TEP1: variants seen among roughly 807,000 people sequenced by gnomAD.
TEP1 encodes the protein telomerase associated protein 1.
TEP1 carries 241 observed loss-of-function variants against 306.3 expected under a neutral mutation model. That is an observed-to-expected ratio of 0.79 (90% confidence interval 0.71 to 0.88). The LOEUF is 0.88. Among genes scored for constraint, TEP1 ranks in the 40% least tolerant of loss-of-function variants. TEP1 has a pLI of 0.00. For synonymous variants in TEP1, 1,289 were observed against 1,305.5 expected (o/e 0.99, Z 0.27); for missense variants, 3,051 against 3,276.1 (o/e 0.93, Z 1.68).
chr14:20,406,062 AG>A (rs1323416367), intron 3 of TEP1, among the ~76,000 whole-genome samples, 170 bp downstream of exon 3: 1 of 151,952 alleles, frequency 6.6e-6, no homozygotes, highest in African/African-American at 2.4e-5. Flanking sequence ...AAAGAAAAAA[AG>A]AAAAGGAAAA....
Position 20,404,736 on chromosome 14 carries a change from T to A in TEP1, c.907A>T (p.Asn303Tyr). 1 of 1,613,618 alleles carries A rather than the reference T, an allele frequency of 6.2e-7. No individual in the cohort carries two copies. The highest frequency in any genetic ancestry group is 8.5e-7 in the Non-Finnish European group (1 of 1,179,740). The stretch of plus-strand genomic sequence containing the variant: ...ATGGCCAAGATGTTATTGGCCACAT[T>A]CCGGACGTTCAGCTGCTGCCTGGCA... Reference protein sequence around the residue: ...LYARQQLNVRNVANNILAIAA... With the variant: ...LYARQQLNVRYVANNILAIAA... Residue 303 changes from asparagine (N) to tyrosine (Y), a missense_variant, in exon 5 of 55, where the codon AAT becomes TAT. This residue lies in a region of TEP1 where 1,507 missense variants were observed against 1,550.5 expected (regional missense o/e 0.97). Transcript: ENST00000262715.
intron 15 of TEP1, among the ~76,000 whole-genome samples, chr14:20,390,088 G>A (rs537682286): frequency 6.6e-6 from 1 of 152,080 alleles, no homozygotes; most frequent in South Asian, 2.1e-4. Flanking sequence ...AATGTGGCTG[G>A]GCATGTTGAC....
chr14:20,382,478 A>G, intron 28 of TEP1, 122 bp from the exon 29 acceptor site: 2 of 1,534,400 alleles, frequency 1.3e-6, no homozygotes, highest in East Asian at 2.3e-5. Context: ...GAACAACAGT[A>G]GGAGGGAAGT....
Position 20,396,665 on chromosome 14 carries a change from T to C in TEP1, c.1615A>G (p.Ser539Gly). Reference sequence around the variant, plus strand: ...AGAATGAGCTCATGGTGGCGGGAACTGATTCCAACCCGCAGCAGGTTGCAC... The same window carrying C: ...AGAATGAGCTCATGGTGGCGGGAACCGATTCCAACCCGCAGCAGGTTGCAC... ...NLCNLLRVGI[S>G]SRHHELILQR... The change falls in exon 10 of 55, where the codon AGT becomes GGT. Residue 539 changes from serine to glycine, a missense_variant. Around this residue, in one of 3 missense-constraint regions of TEP1, gnomAD observed 1,507 missense variants for 1,550.5 expected, o/e 0.97. Transcript: ENST00000262715. The C allele has an allele frequency of 1.2e-6, 2 of 1,612,140 alleles. No homozygotes were observed. Among genetic ancestry groups the C allele is most frequent in the South Asian group, 1.1e-5 (1 of 90,974 alleles).
At chr14:20,407,771 C>T in intron 2 of TEP1, 102 bp downstream of exon 2, 1 of 1,091,982 alleles carries the variant, frequency 9.2e-7, no homozygotes, top group Non-Finnish European at 1.3e-6. Context: ...AGAAGATAGC[C>T]AGACACAGAG....
chr14:20,372,670 G>A, intron 49 of TEP1, 63 bp downstream of exon 49: 3 of 1,608,842 alleles, frequency 1.9e-6, no homozygotes, highest in African/African-American at 1.3e-5. Flanking sequence ...CAGTAATTTG[G>A]GTAAAATGCC....
chr14:20,396,017 C>G, intron 10 of TEP1, 68 bp from the exon 11 acceptor site: 1 of 1,178,534 alleles, frequency 8.5e-7, no homozygotes. Flanking sequence ...CAGGGGTCCA[C>G]TCTATTAGCT....
intron 12 of TEP1, 106 bp from the exon 13 acceptor site, chr14:20,391,873 C>G: frequency 7.9e-7 from 1 of 1,258,740 alleles, no homozygotes; most frequent in Middle Eastern, 2.0e-4. Flanking sequence ...CTTCTCCCTC[C>G]CTCAAGCACC....
At chr14:20,368,646 A>C in intron 54 of TEP1, 87 bp from the exon 55 acceptor site, 2 of 1,582,462 alleles carry the variant, frequency 1.3e-6, no homozygotes, top group Non-Finnish European at 1.7e-6. Context: ...TTTTATTTAG[A>C]AACAGGTTAG....
chr14:20,393,714 C>T (rs1290007999), intron 12 of TEP1, among the ~76,000 whole-genome samples: 1 of 151,522 alleles, frequency 6.6e-6, no homozygotes, highest in East Asian at 1.9e-4. Context: ...ATCACTTGAA[C>T]AGGGGAGGCA....
Position 20,377,629 on chromosome 14 carries a change from T to C in TEP1, c.5846A>G (p.Asp1949Gly). 6.2e-7 allele frequency: 1 copy of C among 1,614,026 alleles called. No homozygotes were observed. The highest frequency in any genetic ancestry group is 1.1e-5 in the South Asian group (1 of 91,070). Residue 1949 changes from aspartate (D) to glycine (G), a missense_variant, in exon 40 of 55, where the codon GAT (aspartate) becomes GGT (glycine). Asp to Gly is a moderately conservative substitution (Grantham distance 94, BLOSUM62 -1). Transcript: ENST00000262715. The part of the protein sequence containing the change: ...GDRVAVGYRA[D>G]GIRIYKISSG... ...AGAGATTTTGTAGATCCTAATGCCATCCGCTCGATATCCAACAGCCACCCG... is the reference window on the plus strand; with the variant it reads ...AGAGATTTTGTAGATCCTAATGCCACCCGCTCGATATCCAACAGCCACCCG...
At chr14:20,374,344 G>A in intron 44 of TEP1, 85 bp downstream of exon 44, 2 of 842,928 alleles carry the variant, frequency 2.4e-6, no homozygotes, top group Non-Finnish European at 3.6e-6. Flanking sequence ...TTTTGCCTCT[G>A]GGATTAGATA....
chr14:20,366,479 T>A lies in TEP1; in HGVS notation c.*1958A>T, dbSNP rs1884479317. 6.6e-6 allele frequency: 1 copy of A among 152,150 alleles called. No homozygotes were observed. Among genetic ancestry groups the A allele is most frequent in the African/African-American group, 2.4e-5 (1 of 41,422 alleles). 9.4% of individuals were successfully genotyped at this position (152,150 alleles called of 1,614,324 possible). On this transcript the variant is annotated 3_prime_UTR_variant, in exon 55 of 55. Transcript: ENST00000262715. ...TCTAGTCACAAGGTAGATGTGGAAA[T>A]GATGGTCCAGAAGGTATATTTCGAG...
In TEP1 at chr14:20,373,489, G is replaced by A; in HGVS notation, c.6681+18C>T. 1 of 1,614,202 alleles carries A rather than the reference G, an allele frequency of 6.2e-7. No homozygotes were observed. ...ACCTTCCCCACCTCCCTTGACTCTG[G>A]TCCTTGCAGGAACTCACCAAGAGTG... On this transcript the variant is annotated intron_variant, in intron 46 of 54. Transcript: ENST00000262715.
At position 20,373,122 on chromosome 14, in the gene TEP1, A is replaced by T. The variant is rs772035464; in HGVS notation, c.6840T>A (p.Ser2280=). 6.2e-7 allele frequency: 1 copy of T among 1,614,254 alleles called. No individual in the cohort carries two copies. The highest frequency in any genetic ancestry group is 8.5e-7 in the Non-Finnish European group (1 of 1,180,042). ...EADDTCIPRS[S]AAVTAVAWAP... ...CCCAAGCCACAGCAGTGACGGCTGC[A>T]GAACTCCTTGGTATACATGTGTCAT... Residue 2280 remains serine (S), a synonymous_variant, in exon 48 of 55, where the codon TCT becomes TCA. Transcript: ENST00000262715.
At position 20,373,267 on chromosome 14, in the gene TEP1, C is replaced by A. The variant is rs773404386; in HGVS notation, c.6814+3G>T. ...ACCCTGTCTCTCTCCAAGCCTCACT[C>A]ACCTGCTTCCTTAGGAACCTGCCAG... On this transcript the variant is annotated splice_donor_region_variant and intron_variant, in intron 47 of 54. Transcript: ENST00000262715. The A allele has an allele frequency of 1.2e-6, 2 of 1,613,862 alleles. No homozygotes were observed. Among genetic ancestry groups the A allele is most frequent in the African/African-American group, 2.7e-5 (2 of 74,920 alleles).
chr14:20,400,497 C>CAAAAAAAAAAAAAAAAAAAAA (rs71108598), intron 9 of TEP1, among the ~76,000 whole-genome samples: 10 of 85,484 alleles, frequency 1.2e-4, no homozygotes, highest in Non-Finnish European at 2.1e-4. Context: ...AAAAGTAGAC[C>CAAAAAAAAAAAAAAAAAAAAA]AAAAAAAAAA....
Position 20,374,503 on chromosome 14 carries a change from A to G in TEP1, c.6397T>C (p.Trp2133Arg), listed in dbSNP as rs775557327. 2 of 1,613,452 alleles carry G rather than the reference A, an allele frequency of 1.2e-6. No homozygotes were observed. Among genetic ancestry groups the G allele is most frequent in the Admixed American group, 1.7e-5 (1 of 59,982 alleles). Residue 2133 changes from tryptophan to arginine, a missense_variant, in exon 44 of 55, where the codon TGG becomes CGG. Physicochemically the swap from Trp to Arg is moderately radical, Grantham distance 101. Around this residue, in one of 3 missense-constraint regions of TEP1, gnomAD observed 1,540 missense variants for 1,705.9 expected, o/e 0.90. Transcript: ENST00000262715. ...AGCCGCTGTCCTGACTCTGGGTCCC[A>G]GAGCCCCACAGAGCCATCACTGGAG... is the stretch of plus-strand genomic sequence containing the variant. The part of the protein sequence containing the change: ...SCSSDGSVGL[W>R]DPESGQRLGQ...
At chr14:20,410,993 T>C (rs1258904378) in intron 1 of TEP1, among the ~76,000 whole-genome samples, 4 of 151,936 alleles carry the variant, frequency 2.6e-5, no homozygotes, top group Non-Finnish European at 5.9e-5. Flanking sequence ...AGCTAATTTT[T>C]GTATTTGTAG....
Sources: allele counts gnomAD v4.1 joint callset (sites outside exome capture counted in the v4.1 genomes callset), GRCh38; gene constraint gnomAD v4.1.1; regional missense constraint gnomAD v4.1.1; transcripts MANE v1.5; gene names NCBI Gene and HGNC (gene_info 2026-07-23, HGNC 2026-07-21).